KAT6B: variants seen among roughly 807,000 people sequenced by gnomAD.
The protein encoded by KAT6B is lysine acetyltransferase 6B.
A neutral mutation model predicts 187.5 loss-of-function variants in KAT6B; 10 were observed. That is an observed-to-expected ratio of 0.05 (90% CI 0.03 to 0.09). KAT6B has a LOEUF of 0.09. Among genes scored for constraint, KAT6B ranks in the 10% least tolerant of loss-of-function variants. The pLI, the probability that KAT6B is intolerant of heterozygous loss-of-function variation, is 1.00. For missense variants in KAT6B, 1,952 were observed against 2,558.9 expected, an observed-to-expected ratio of 0.76 and a Z score of 5.12; for synonymous variants, 861 against 926.8, an observed-to-expected ratio of 0.93 and a Z score of 1.29.
chr10:74,912,770 T>A (rs1847338168), intron 3 of KAT6B, among the ~76,000 whole-genome samples: 1 of 152,232 alleles, frequency 6.6e-6, no homozygotes, highest in Non-Finnish European at 1.5e-5. Flanking sequence ...ATTTCTTATT[T>A]CGTGGCATTG....
intron 13 of KAT6B, among the ~76,000 whole-genome samples, chr10:74,991,912 T>TG (rs1843144539): frequency 6.6e-6 from 1 of 152,188 alleles, no homozygotes; most frequent in South Asian, 2.1e-4. Flanking sequence ...TTACTTAAAG[T>TG]AATAGTAGAT....
intron 3 of KAT6B, among the ~76,000 whole-genome samples, chr10:74,932,469 C>T (rs1216914514): frequency 6.6e-6 from 1 of 151,906 alleles, no homozygotes; most frequent in Non-Finnish European, 1.5e-5. Flanking sequence ...TCCTTTACCC[C>T]ATGCCTGGTG....
At chr10:74,898,990 A>C (rs1846182552) in intron 3 of KAT6B, among the ~76,000 whole-genome samples, 1 of 121,954 alleles carries the variant, frequency 8.2e-6, no homozygotes, top group African/African-American at 4.5e-5. Flanking sequence ...CGTCTGTACT[A>C]AAAATACAAA....
chr10:74,827,583 G>A (rs981646094), intron 1 of KAT6B, among the ~76,000 whole-genome samples: 4 of 152,066 alleles, frequency 2.6e-5, no homozygotes, highest in African/African-American at 9.7e-5. Context: ...TGCTAAGACA[G>A]CAGAGCAAAC....
chr10:75,006,038 A>G (rs1276179527), intron 13 of KAT6B, among the ~76,000 whole-genome samples: 1 of 152,188 alleles, frequency 6.6e-6, no homozygotes, highest in Admixed American at 6.5e-5. Flanking sequence ...TCCACAATAA[A>G]TTTGCATATG....
At chr10:75,015,945 G>A (rs534876747) in intron 13 of KAT6B, among the ~76,000 whole-genome samples, 2 of 152,348 alleles carry the variant, frequency 1.3e-5, no homozygotes, top group East Asian at 1.9e-4. Context: ...GTCTGCCCCT[G>A]TCGGGGGAGA....
chr10:74,899,142 CAG>C (rs1433327429), intron 3 of KAT6B, among the ~76,000 whole-genome samples: 1 of 148,094 alleles, frequency 6.8e-6, no homozygotes, highest in Non-Finnish European at 1.5e-5. Context: ...GCCTGGGTGA[CAG>C]AGCAGTACTC....
At chr10:75,025,626 T>A in intron 17 of KAT6B, 1 of 244,340 alleles carries the variant, frequency 4.1e-6, no homozygotes, top group Non-Finnish European at 8.1e-6. Context: ...ATTATCAGTG[T>A]GAGCATTGAA....
At chr10:74,973,655 T>C (rs1402838483) in intron 7 of KAT6B, among the ~76,000 whole-genome samples, 1 of 152,182 alleles carries the variant, frequency 6.6e-6, no homozygotes, top group Non-Finnish European at 1.5e-5. Flanking sequence ...TAAGAAGAAG[T>C]AAGAAATGCA....
chr10:74,961,684 G>T (rs748054585), intron 4 of KAT6B, among the ~76,000 whole-genome samples: 4 of 152,134 alleles, frequency 2.6e-5, no homozygotes, highest in Non-Finnish European at 2.9e-5. Context: ...GTCTTTCCCG[G>T]ATTGAAGACC....
At chr10:74,881,363 G>T (rs891374093) in intron 3 of KAT6B, among the ~76,000 whole-genome samples, 18 of 152,180 alleles carry the variant, frequency 1.2e-4, no homozygotes, top group Admixed American at 6.5e-4. Context: ...CCATAAGGTT[G>T]TTGTGAGGCT....
At chr10:74,860,726 G>T (rs1843117762) in intron 3 of KAT6B, among the ~76,000 whole-genome samples, 1 of 152,342 alleles carries the variant, frequency 6.6e-6, no homozygotes, top group Admixed American at 6.5e-5. Flanking sequence ...GGCTAGGCAT[G>T]GTGGCTCACG....
At chr10:74,884,084 C>G (rs1296005077) in intron 3 of KAT6B, among the ~76,000 whole-genome samples, 1 of 152,170 alleles carries the variant, frequency 6.6e-6, no homozygotes, top group Non-Finnish European at 1.5e-5. Flanking sequence ...TTCCTTTATT[C>G]CAACATATAT....
chr10:74,928,128 T>C (rs925538226), intron 3 of KAT6B, among the ~76,000 whole-genome samples: 6 of 152,256 alleles, frequency 3.9e-5, no homozygotes, highest in Non-Finnish European at 8.8e-5. Flanking sequence ...TTTTTTACTC[T>C]GCTCAAAATT....
At chr10:74,921,084 T>C (rs1226644054) in intron 3 of KAT6B, among the ~76,000 whole-genome samples, 2 of 151,754 alleles carry the variant, frequency 1.3e-5, no homozygotes, top group Non-Finnish European at 2.9e-5. Flanking sequence ...GGTTTCCTAA[T>C]GTGTATGGGT....
rs887710466 is a variant in KAT6B at position 74,964,923 on chromosome 10, C to T, written c.731-4737C>T. Among the ~76,000 whole-genome samples, 6 of 152,176 alleles carry T rather than the reference C, an allele frequency of 3.9e-5. No individual in the cohort carries two copies. The East Asian group carries it at 1.2e-3, about 29-fold the overall frequency. ...AATGCTAAATTTATCGATGCATCCC[C>T]ACCAGCCAGCCCCACTCAGATCTGC... On this transcript the variant is annotated intron_variant, in intron 4 of 17. Transcript: ENST00000287239.
At chr10:74,855,446 A>G (rs996775946) in intron 3 of KAT6B, among the ~76,000 whole-genome samples, 1 of 152,196 alleles carries the variant, frequency 6.6e-6, no homozygotes, top group African/African-American at 2.4e-5. Flanking sequence ...ACATATTAAA[A>G]TCTAGTAATA....
intron 3 of KAT6B, among the ~76,000 whole-genome samples, chr10:74,909,285 C>T (rs953961578): frequency 5.9e-5 from 9 of 152,148 alleles, no homozygotes; most frequent in African/African-American, 1.9e-4. Context: ...GCAGGAGACT[C>T]GCTTGAACCT....
chr10:75,011,730 T>G (rs1844621115), intron 13 of KAT6B, among the ~76,000 whole-genome samples: 1 of 152,184 alleles, frequency 6.6e-6, no homozygotes, highest in Non-Finnish European at 1.5e-5. Flanking sequence ...TTTTTATTCT[T>G]CTAATCCACT....
Sources: allele counts gnomAD v4.1 joint callset (sites outside exome capture counted in the v4.1 genomes callset), GRCh38; gene constraint gnomAD v4.1.1; transcripts MANE v1.5; gene names NCBI Gene and HGNC (gene_info 2026-07-23, HGNC 2026-07-21).